The following ZNF544 variants were observed in gnomAD, a reference collection of about 807,000 sequenced individuals.
The protein encoded by ZNF544 is zinc finger protein 544.
ZNF544 carries 10 observed loss-of-function variants against 13.5 expected under a neutral mutation model. The ratio of observed to expected loss-of-function variants is 0.74; its 90% CI spans 0.46 to 1.25. ZNF544 has a LOEUF of 1.25. Ranked by LOEUF, ZNF544 falls within the 50% of genes most tolerant of loss-of-function variation. ZNF544 has a pLI of 0.00. For missense variants in ZNF544, 896 were observed against 845.6 expected, an observed-to-expected ratio of 1.06 and a Z score of -0.74; for synonymous variants, 323 against 300.5, an observed-to-expected ratio of 1.07 and a Z score of -0.77.
At chr19:58,277,121 C>G in intron 6 of ZNF544, 1 of 1,188,978 alleles carries the variant, frequency 8.4e-7, no homozygotes, top group Non-Finnish European at 1.1e-6. Context: ...AGCAGGAGCT[C>G]AGTCCAAAAC....
chr19:58,262,208 A>T lies in ZNF544; in HGVS notation c.1602A>T (p.Lys534Asn). Residue 534 changes from lysine (K) to asparagine (N), a missense_variant, in exon 7 of 7, where the codon AAA (lysine) becomes AAT (asparagine). By Grantham distance (94) the Lys-to-Asn change is moderately conservative. Coordinates refer to ENST00000687789, the MANE Select transcript of ZNF544 (RefSeq NM_014480.4). The part of the protein sequence containing the change: ...LCGKSFSQSS[K>N]LITHQRIHTG... ...GGAAATCCTTCTCCCAGAGTTCCAAACTTATTACGCATCAGCGAATTCACA... is the reference window on the plus strand; with the variant it reads ...GGAAATCCTTCTCCCAGAGTTCCAATCTTATTACGCATCAGCGAATTCACA... 6.2e-7 allele frequency: 1 copy of T among 1,613,570 alleles called. No individual in the cohort carries two copies. Among genetic ancestry groups the T allele is most frequent in the Non-Finnish European group, 8.5e-7 (1 of 1,179,916 alleles).
intron 3 of ZNF544, among the ~76,000 whole-genome samples, chr19:58,241,415 C>T (rs1428681161): frequency 1.3e-5 from 2 of 150,976 alleles, no homozygotes; most frequent in East Asian, 1.9e-4. Context: ...TTATGTTATA[C>T]TTTAAACCTT....
intron 3 of ZNF544, among the ~76,000 whole-genome samples, chr19:58,241,261 C>G (rs1330146169): frequency 7.5e-6 from 1 of 134,028 alleles, no homozygotes; most frequent in Non-Finnish European, 1.6e-5. Flanking sequence ...ATGCTTCCGC[C>G]TTGGCCTCCC....
chr19:58,275,521 GA>G (rs139085399), intron 5 of ZNF544, among the ~76,000 whole-genome samples: 3 of 148,522 alleles, frequency 2.0e-5, no homozygotes, highest in Non-Finnish European at 4.5e-5. Flanking sequence ...AACTAGAAAA[GA>G]AAAAAAAAAT....
At chr19:58,275,783 C>CAAAAAAAAAAAAAAAAAAAAAAAAA (rs57148438) in intron 5 of ZNF544, among the ~76,000 whole-genome samples, 1 of 66,230 alleles carries the variant, frequency 1.5e-5, no homozygotes, top group African/African-American at 6.0e-5. Context: ...GACCCTGTCT[C>CAAAAAAAAAAAAAAAAAAAAAAAAA]AAAAAAAAAA....
At chr19:58,232,518 C>T (rs1427529208) in intron 3 of ZNF544, among the ~76,000 whole-genome samples, 1 of 151,746 alleles carries the variant, frequency 6.6e-6, no homozygotes, top group African/African-American at 2.4e-5. Flanking sequence ...ACCCAGCTAA[C>T]TTTTTGATTT....
rs536520419 is a variant in ZNF544, at chr19:58,230,441, G to C, written c.-81G>C. 3.9e-5 allele frequency: 6 copies of C among 152,216 alleles called. No individual in the cohort carries two copies. The highest frequency in any genetic ancestry group is 1.4e-4 in the African/African-American group (6 of 41,418). 9.4% of individuals were successfully genotyped at this position (152,216 alleles called of 1,614,324 possible). ...AGGCCTGGAGAGGTTAAAGAGACCC[G>C]TTCAGAGTCCTACAGTGGCAGGTAA... On this transcript the variant is annotated 5_prime_UTR_variant, in exon 3 of 7. Transcript: ENST00000687789.
intron 3 of ZNF544, among the ~76,000 whole-genome samples, chr19:58,232,335 G>C (rs1372379575): frequency 7.0e-6 from 1 of 142,512 alleles, no homozygotes; most frequent in East Asian, 2.1e-4. Flanking sequence ...ACAGCATTAA[G>C]ACAATTTTAT....
At position 58,261,517 on chromosome 19, in the gene ZNF544, G is replaced by A. The variant is rs747392230; in HGVS notation, c.911G>A (p.Arg304Lys). 128 of 1,614,062 alleles carry A rather than the reference G, an allele frequency of 7.9e-5. No homozygotes were observed. The Middle Eastern group carries it at 1.8e-3, about 23-fold the overall frequency. Residue 304 changes from arginine (R) to lysine (K), a missense_variant, in exon 7 of 7, where the codon AGG becomes AAG. Transcript: ENST00000687789. ...GKSQYECDECRETCSESLCLV... is the reference protein window; with the variant it reads ...GKSQYECDECKETCSESLCLV... ...AGTCAGTATGAGTGTGATGAGTGCA[G>A]GGAAACCTGTTCTGAGAGTCTGTGC...
At chr19:58,270,968 T>C (rs1307378794) in intron 5 of ZNF544, among the ~76,000 whole-genome samples, 2 of 152,054 alleles carry the variant, frequency 1.3e-5, no homozygotes, top group East Asian at 3.9e-4. Context: ...TCCCAGCACT[T>C]TGGGAGGCTG....
intron 3 of ZNF544, among the ~76,000 whole-genome samples, chr19:58,241,031 G>C (rs1005454514): frequency 1.4e-5 from 2 of 145,866 alleles, no homozygotes; most frequent in South Asian, 4.4e-4. Flanking sequence ...GAGTGTGGTG[G>C]CACGATCACT....
At chr19:58,272,816 T>C (rs912762738) in intron 5 of ZNF544, among the ~76,000 whole-genome samples, 2 of 149,090 alleles carry the variant, frequency 1.3e-5, no homozygotes, top group African/African-American at 5.0e-5. Context: ...GAGGTTGCAG[T>C]GAGCTGAGAT....
At chr19:58,273,691 A>C (rs984454601) in intron 5 of ZNF544, among the ~76,000 whole-genome samples, 1 of 146,388 alleles carries the variant, frequency 6.8e-6, no homozygotes, top group African/African-American at 2.5e-5. Context: ...CTCTGTCTCA[A>C]AAAAAAAAAA....
intron 5 of ZNF544, among the ~76,000 whole-genome samples, chr19:58,269,311 T>G (rs1026730280): frequency 6.6e-6 from 1 of 152,152 alleles, no homozygotes; most frequent in African/African-American, 2.4e-5. Context: ...GGCAGCCGCC[T>G]ATAATCCCAG....
chr19:58,273,943 A>T (rs971167833), intron 5 of ZNF544, among the ~76,000 whole-genome samples: 1 of 151,454 alleles, frequency 6.6e-6, no homozygotes, highest in Non-Finnish European at 1.5e-5. Flanking sequence ...TTACAGGCGC[A>T]TGCCACCACA....
At chr19:58,254,922 C>T (rs534445059) in intron 6 of ZNF544, among the ~76,000 whole-genome samples, 84 of 148,884 alleles carry the variant, frequency 5.6e-4, no homozygotes, top group African/African-American at 2.0e-3. Context: ...GAGTCTCACT[C>T]TGTCGCCCAG....
chr19:58,236,660 C>T (rs563873723), intron 3 of ZNF544, among the ~76,000 whole-genome samples: 1 of 151,900 alleles, frequency 6.6e-6, no homozygotes, highest in African/African-American at 2.4e-5. Flanking sequence ...CAGACATTGA[C>T]ATCGATACAT....
Position 58,261,108 on chromosome 19 carries a change from C to T in ZNF544, c.502C>T (p.Pro168Ser), listed in dbSNP as rs764231313. The T allele has an allele frequency of 6.8e-6, 11 of 1,614,048 alleles. No homozygotes were observed. The highest frequency in any genetic ancestry group is 1.1e-5 in the South Asian group (1 of 91,086). Residue 168 changes from proline to serine, a missense_variant, in exon 7 of 7, where the codon CCT becomes TCT. By Grantham distance (74) the Pro-to-Ser change is moderately conservative. Coordinates refer to ENST00000687789, the MANE Select transcript of ZNF544 (RefSeq NM_014480.4). ...ELELGGGYSLPSTLSLLPTTL... is the reference protein window; with the variant it reads ...ELELGGGYSLSSTLSLLPTTL... Reference sequence around the variant, plus strand: ...TGAACTTGGGGGAGGTTATTCTCTACCTTCTACTTTAAGCCTTCTACCTAC... The same window carrying T: ...TGAACTTGGGGGAGGTTATTCTCTATCTTCTACTTTAAGCCTTCTACCTAC...
intron 6 of ZNF544, chr19:58,257,657 T>C (rs953343480): frequency 2.0e-5 from 3 of 152,176 alleles, no homozygotes; most frequent in African/African-American, 7.2e-5. Flanking sequence ...TTCCTTTTGA[T>C]TCCGTTCATG....
Sources: gnomAD v4.1 joint callset for allele counts (sites outside exome capture counted in the v4.1 genomes callset) on GRCh38, gnomAD v4.1.1 for gene constraint, MANE v1.5 for transcripts, NCBI Gene and HGNC (gene_info 2026-07-23, HGNC 2026-07-21) for gene names.